GAPVD1: variants seen among roughly 807,000 people sequenced by gnomAD.
GAPVD1 encodes the protein GTPase activating protein and VPS9 domains 1.
Under a neutral mutation model 155.5 loss-of-function variants are expected in GAPVD1, and 35 were observed. The observed-to-expected ratio is 0.23, with a 90% confidence interval of 0.17 to 0.30. GAPVD1 has a LOEUF of 0.30. Ranked by LOEUF, GAPVD1 falls within the 10% of genes least tolerant of loss-of-function variation. The pLI, the probability that GAPVD1 is intolerant of heterozygous loss-of-function variation, is 1.00. For synonymous variants in GAPVD1, 636 were observed against 619.7 expected (o/e 1.03, Z -0.39); for missense variants, 1,429 against 1,775.7 (o/e 0.80, Z 3.51).
chr9:125,318,094 C>T (rs936993477), intron 9 of GAPVD1, among the ~76,000 whole-genome samples: 10 of 152,232 alleles, frequency 6.6e-5, no homozygotes, highest in African/African-American at 2.4e-4. Flanking sequence ...AAGTGATTCT[C>T]CTGCCTCAGC....
chr9:125,330,723 G>A (rs987769869), intron 13 of GAPVD1, among the ~76,000 whole-genome samples: 72 of 152,236 alleles, frequency 4.7e-4, no homozygotes, highest in African/African-American at 1.7e-3. Flanking sequence ...CTGTTAGATA[G>A]CATAGACTGT....
At chr9:125,271,144 T>A (rs1346473949) in intron 2 of GAPVD1, among the ~76,000 whole-genome samples, 1 of 152,244 alleles carries the variant, frequency 6.6e-6, no homozygotes, top group South Asian at 2.1e-4. Context: ...TTGTATACCT[T>A]TTTTTGTAAG....
intron 22 of GAPVD1, 122 bp from the exon 23 acceptor site, chr9:125,350,591 G>T: frequency 1.4e-6 from 1 of 691,174 alleles, no homozygotes; most frequent in Non-Finnish European, 2.5e-6. Context: ...ATTGGGAGTG[G>T]CAATACAGCT....
At chr9:125,321,700 C>A in intron 10 of GAPVD1, 138 bp downstream of exon 10, 1 of 736,048 alleles carries the variant, frequency 1.4e-6, no homozygotes, top group Non-Finnish European at 2.2e-6. Context: ...CTCTAATGAG[C>A]CTGAACAGTT....
chr9:125,303,036 G>GT (rs1474683991), intron 5 of GAPVD1, among the ~76,000 whole-genome samples: 3 of 152,054 alleles, frequency 2.0e-5, no homozygotes, highest in Non-Finnish European at 2.9e-5. Flanking sequence ...GTCTTTGTCT[G>GT]TTTTTTGAGA....
At position 125,353,979 on chromosome 9, in the gene GAPVD1, T is replaced by C. The variant is rs558495475; in HGVS notation, c.3570-675T>C. Among the ~76,000 whole-genome samples the C allele has an allele frequency of 3.9e-5, 6 of 152,356 alleles. No individual in the cohort carries two copies. The East Asian group carries it at 1.2e-3, about 29-fold the overall frequency. On this transcript the variant is annotated intron_variant, in intron 23 of 27. Transcript: ENST00000297933. Reference sequence around the variant, plus strand: ...TTGCACAAAAGCAGGTAAAGAGGTATGCCTATATTTTGAGGCTAGAACAAC... The same window carrying C: ...TTGCACAAAAGCAGGTAAAGAGGTACGCCTATATTTTGAGGCTAGAACAAC...
intron 12 of GAPVD1, among the ~76,000 whole-genome samples, chr9:125,329,022 C>G (rs1383865876): frequency 6.6e-6 from 1 of 151,716 alleles, no homozygotes; most frequent in East Asian, 2.0e-4. Context: ...ACTCGGCAGG[C>G]TGAGGCAGGA....
chr9:125,321,292 A>G, intron 9 of GAPVD1, 141 bp from the exon 10 acceptor site: 1 of 585,302 alleles, frequency 1.7e-6, no homozygotes, highest in Non-Finnish European at 3.0e-6. Context: ...GGTATTTAAA[A>G]GCTTGACAGA....
At chr9:125,330,495 T>C (rs1028639016) in intron 13 of GAPVD1, among the ~76,000 whole-genome samples, 3 of 151,978 alleles carry the variant, frequency 2.0e-5, no homozygotes, top group African/African-American at 7.3e-5. Context: ...TTTTTGTATT[T>C]TTAGAGAAAC....
At position 125,348,006 on chromosome 9, in the gene GAPVD1, C is replaced by T. The variant is rs146208939; in HGVS notation, c.3169+1065C>T. Among the ~76,000 whole-genome samples the T allele has an allele frequency of 2.0e-3, 300 of 152,032 alleles. 1 individual carries two copies. The highest frequency in any genetic ancestry group is 6.8e-3 in the Middle Eastern group (2 of 294). On this transcript the variant is annotated intron_variant, in intron 20 of 27. Transcript: ENST00000297933. Reference sequence around the variant, plus strand: ...CAATTCTTGACATTTTGCCACGTTCCGCCATATATAGAGAGTGTGTGTGTG... The same window carrying T: ...CAATTCTTGACATTTTGCCACGTTCTGCCATATATAGAGAGTGTGTGTGTG...
At chr9:125,327,694 G>A (rs1487484691) in intron 12 of GAPVD1, among the ~76,000 whole-genome samples, 1 of 152,060 alleles carries the variant, frequency 6.6e-6, no homozygotes, top group Non-Finnish European at 1.5e-5. Context: ...AGTAGAGACG[G>A]GGTTTCACCA....
rs113582016 is a variant in GAPVD1, at chr9:125,326,240, A to G, written c.1859-176A>G. On this transcript the variant is annotated intron_variant, in intron 11 of 27. Transcript: ENST00000297933. ...AGATTAAGAAGTGAATTGATAGGCC[A>G]GGCACAGTGGCTCACGCCTGTAATC... Among the ~76,000 whole-genome samples, 475 of 152,362 alleles carry G rather than the reference A, an allele frequency of 3.1e-3. 7 individuals carry two copies. Among genetic ancestry groups the G allele is most frequent in the African/African-American group, 0.01 (419 of 41,588 alleles).
intron 2 of GAPVD1, among the ~76,000 whole-genome samples, chr9:125,287,438 G>A: frequency 6.6e-6 from 1 of 152,006 alleles, no homozygotes; most frequent in Non-Finnish European, 1.5e-5. Context: ...TGCTTGAGCT[G>A]GGGAGGCACA....
chr9:125,350,142 G>T (rs1230876565), intron 21 of GAPVD1, among the ~76,000 whole-genome samples, 153 bp from the exon 22 acceptor site: 3 of 152,184 alleles, frequency 2.0e-5, no homozygotes, highest in Non-Finnish European at 4.4e-5. Context: ...TAGAAAGCCT[G>T]TTCTTTTAAG....
At chr9:125,315,460 A>G (rs1843283988) in intron 9 of GAPVD1, among the ~76,000 whole-genome samples, 1 of 152,146 alleles carries the variant, frequency 6.6e-6, no homozygotes, top group Non-Finnish European at 1.5e-5. Flanking sequence ...GACAGCTTAT[A>G]TTACTGTGCA....
At chr9:125,281,260 C>A (rs1836745310) in intron 2 of GAPVD1, among the ~76,000 whole-genome samples, 1 of 152,072 alleles carries the variant, frequency 6.6e-6, no homozygotes, top group South Asian at 2.1e-4. Context: ...AAGTTGCTAA[C>A]TCAGATACTT....
chr9:125,346,915 G>T lies in GAPVD1; in HGVS notation c.3143G>T (p.Gly1048Val), dbSNP rs1198694487. The T allele has an allele frequency of 1.9e-6, 3 of 1,612,908 alleles. No homozygotes were observed. The highest frequency in any genetic ancestry group is 2.5e-6 in the Non-Finnish European group (3 of 1,178,892). Residue 1048 changes from glycine (G) to valine (V), a missense_variant, in exon 20 of 28, where the codon GGA becomes GTA. By Grantham distance (109) the Gly-to-Val change is moderately radical. Coordinates refer to ENST00000297933, the MANE Select transcript of GAPVD1 (RefSeq NM_001282680.3). ...ATTAAACGGACCAGCCCCAGTGATG[G>T]AGCAATGGCAAACTATGAAAGTACA... is the stretch of plus-strand genomic sequence containing the variant. ...NAIKRTSPSD[G>V]AMANYESTEV... is the part of the protein sequence containing the mutation.
At chr9:125,306,300 T>G (rs1276109434) in intron 6 of GAPVD1, among the ~76,000 whole-genome samples, 1 of 152,158 alleles carries the variant, frequency 6.6e-6, no homozygotes, top group African/African-American at 2.4e-5. Flanking sequence ...GTAGCTGGGA[T>G]TATAGGCGTG....
intron 16 of GAPVD1, 41 bp downstream of exon 16, chr9:125,337,136 A>T (rs755736410): frequency 3.1e-6 from 5 of 1,595,494 alleles, no homozygotes; most frequent in Non-Finnish European, 2.6e-6. Context: ...TGTCACAGAC[A>T]GGAGGAGGAA....
Sources: gnomAD v4.1 joint callset for allele counts (sites outside exome capture counted in the v4.1 genomes callset) on GRCh38, gnomAD v4.1.1 for gene constraint, MANE v1.5 for transcripts, NCBI Gene and HGNC (gene_info 2026-07-23, HGNC 2026-07-21) for gene names.